Variants in PCF11 observed in about 807,000 individuals in gnomAD.
PCF11 encodes the protein pre-mRNA cleavage complex 2 protein Pcf11.
PCF11 carries 19 observed loss-of-function variants against 166.1 expected under a neutral mutation model. The ratio of observed to expected loss-of-function variants is 0.11; its 90% CI spans 0.08 to 0.17. The LOEUF is 0.17. Among genes scored for constraint, PCF11 ranks in the 10% least tolerant of loss-of-function variants. PCF11 has a pLI of 1.00. For synonymous variants in PCF11, 663 were observed against 644.1 expected (o/e 1.03, Z -0.44); for missense variants, 1,565 against 1,855.5 (o/e 0.84, Z 2.88).
At chr11:83,157,842 C>G in intron 1 of PCF11, 1 of 582,944 alleles carries the variant, frequency 1.7e-6, no homozygotes, top group Non-Finnish European at 3.1e-6. Context: ...GGTGGAGTCC[C>G]ACTTCCGCTT....
At chr11:83,171,070 A>G (rs1164254834) in intron 8 of PCF11, among the ~76,000 whole-genome samples, 1 of 152,222 alleles carries the variant, frequency 6.6e-6, no homozygotes, top group East Asian at 1.9e-4. Context: ...TATACTGAAC[A>G]AGGATTATAA....
Position 83,166,643 on chromosome 11 carries a change from G to A in PCF11, c.1746G>A (p.Lys582=), listed in dbSNP as rs77539506. The change falls in exon 5 of 16, where the codon AAG becomes AAA. Residue 582 remains lysine (K), a synonymous_variant. Coordinates refer to ENST00000298281, the Ensembl canonical transcript of PCF11. ...CTACAAAGTCAGGCACTGAACCAAAGGAGAATGTAGAAAACTGGCAAAGTT... is the reference window on the plus strand; with the variant it reads ...CTACAAAGTCAGGCACTGAACCAAAAGAGAATGTAGAAAACTGGCAAAGTT... The A allele has an allele frequency of 1.3e-3, 2,053 of 1,608,368 alleles. 31 individuals carry two copies. The African/African-American group carries it at 0.025, about 20-fold the overall frequency.
At position 83,161,749 on chromosome 11, in the gene PCF11, C is replaced by G. The variant is rs557213878; in HGVS notation, c.318+297C>G. Among the ~76,000 whole-genome samples, 14 of 152,218 alleles carry G rather than the reference C, an allele frequency of 9.2e-5. No individual in the cohort carries two copies. In the South Asian group the frequency reaches 2.9e-3, roughly 32 times the overall value. Reference sequence around the variant, plus strand: ...AACATCTGTTTCATCACTTACAAACCAGGCAAAAAGATCTGAAATCGTCAA... The same window carrying G: ...AACATCTGTTTCATCACTTACAAACGAGGCAAAAAGATCTGAAATCGTCAA... On this transcript the variant is annotated intron_variant, in intron 2 of 15. Coordinates refer to ENST00000298281, the Ensembl canonical transcript of PCF11.
intron 4 of PCF11, 96 bp from the exon 5 acceptor site, chr11:83,165,504 T>G: frequency 1.2e-6 from 1 of 815,396 alleles, no homozygotes. Context: ...GTAAATATAT[T>G]TATTGAATAA....
exon 1 of PCF11, chr11:83,157,449 C>G (rs759230127): frequency 6.2e-7 from 1 of 1,609,740 alleles, no homozygotes; most frequent in Non-Finnish European, 8.5e-7. Context: ...AATGTCAGAG[C>G]AGACGCCGGC....
exon 8 of PCF11, chr11:83,169,973 G>A (rs1379749532): frequency 6.3e-7 from 1 of 1,593,634 alleles, no homozygotes; most frequent in Non-Finnish European, 8.5e-7. Context: ...ATGACAGTAG[G>A]AAATATTCAG....
intron 1 of PCF11, chr11:83,157,900 C>T (rs930336309): frequency 6.2e-6 from 3 of 483,292 alleles, no homozygotes; most frequent in Non-Finnish European, 7.5e-6. Context: ...GACACACACA[C>T]GCTTTGAATA....
intron 15 of PCF11, 50 bp downstream of exon 15, chr11:83,183,123 T>C: frequency 8.8e-7 from 1 of 1,132,338 alleles, no homozygotes; most frequent in Non-Finnish European, 1.3e-6. Context: ...TTAATAAATT[T>C]TACTTTTCAG....
exon 9 of PCF11, chr11:83,171,855 A>G: frequency 1.2e-6 from 2 of 1,607,104 alleles, no homozygotes; most frequent in Non-Finnish European, 1.7e-6. Flanking sequence ...GCTTTTGGTC[A>G]AGGACAACAG....
intron 9 of PCF11, among the ~76,000 whole-genome samples, chr11:83,173,729 T>C (rs1321358813): frequency 6.5e-5 from 8 of 123,630 alleles, no homozygotes; most frequent in Non-Finnish European, 1.0e-4. Context: ...CTTTTTTTTT[T>C]TTTTTTTTTT....
At chr11:83,180,733 C>A in intron 11 of PCF11, 1 of 222,656 alleles carries the variant, frequency 4.5e-6, no homozygotes, top group Non-Finnish European at 9.0e-6. Flanking sequence ...TTAGCTAGCA[C>A]AGGATCATTT....
At chr11:83,169,340 A>G in exon 8 of PCF11, 1 of 1,613,510 alleles carries the variant, frequency 6.2e-7, no homozygotes, top group East Asian at 2.2e-5. Context: ...TTAGTCCAAC[A>G]AGGAGGTGGA....
chr11:83,170,276 A>C (rs1192710695), intron 8 of PCF11, among the ~76,000 whole-genome samples: 1 of 151,974 alleles, frequency 6.6e-6, no homozygotes, highest in Admixed American at 6.6e-5. Flanking sequence ...TTTTGCTTTA[A>C]AGCTTTTGAG....
chr11:83,166,309 C>G (rs761635508), exon 5 of PCF11: 3 of 1,613,554 alleles, frequency 1.9e-6, no homozygotes, highest in South Asian at 1.1e-5. Context: ...GGGACAAAAC[C>G]AGGGAGATCG....
chr11:83,167,708 G>A lies in PCF11; in HGVS notation c.2092+203G>A, dbSNP rs999148590. The A allele has an allele frequency of 7.3e-6, 11 of 1,499,302 alleles. No individual in the cohort carries two copies. Among genetic ancestry groups the A allele is most frequent in the Non-Finnish European group, 9.8e-6 (11 of 1,124,578 alleles). 92.9% of individuals were successfully genotyped at this position (1,499,302 alleles called of 1,614,324 possible). A position where few individuals can be genotyped will look rare whatever the true frequency, so the allele number is the denominator to read the frequency against. ...ACTACCCTTTGACTGATGCCTTGTT[G>A]TCTGGAATAGAATGTGAGCCATCCA... On this transcript the variant is annotated intron_variant, in intron 7 of 15. Coordinates refer to ENST00000298281, the Ensembl canonical transcript of PCF11. The surrounding 1 kb of genome is among the most constrained non-coding windows in gnomAD (Gnocchi z 4.2).
chr11:83,157,900 CGCTTTGAATAGA>C (rs1860058676), intron 1 of PCF11: 1 of 483,292 alleles, frequency 2.1e-6, no homozygotes, highest in South Asian at 2.7e-5. Context: ...GACACACACA[CGCTTTGAATAGA>C]GCCCTTTGGG....
intron 10 of PCF11, 86 bp from the exon 11 acceptor site, chr11:83,177,628 A>G (rs377070372): frequency 1.2e-5 from 7 of 573,482 alleles, no homozygotes; most frequent in African/African-American, 3.8e-5. Context: ...GGATTTCTCT[A>G]TTTGCTTATA....
chr11:83,181,153 C>A (rs753463456), exon 12 of PCF11: 6 of 1,611,100 alleles, frequency 3.7e-6, no homozygotes, highest in Non-Finnish European at 4.2e-6. Flanking sequence ...GGATGTTAGC[C>A]GAAAAGTCAC....
chr11:83,162,371 A>G (rs1287140307), intron 2 of PCF11, among the ~76,000 whole-genome samples: 1 of 152,242 alleles, frequency 6.6e-6, no homozygotes, highest in African/African-American at 2.4e-5. Context: ...TTAGAAAATA[A>G]GTAGTTGCTA....
Sources: allele counts gnomAD v4.1 joint callset (sites outside exome capture counted in the v4.1 genomes callset), GRCh38; gene constraint gnomAD v4.1.1; non-coding constraint Gnocchi (gnomAD v3.1); transcripts MANE v1.5; gene names NCBI Gene and HGNC (gene_info 2026-07-23, HGNC 2026-07-21).